Variants in MCPH1 observed in about 807,000 individuals in gnomAD.
MCPH1 encodes the protein microcephalin.
In MCPH1, 104 loss-of-function variants were observed where a neutral mutation model predicts 84.5. The observed-to-expected ratio is 1.23, with a 90% CI of 1.05 to 1.45. The LOEUF (loss-of-function observed/expected upper bound fraction) is 1.45. MCPH1 is among the 40% of genes most tolerant of loss of function. MCPH1 has a pLI of 0.00. For synonymous variants in MCPH1, 514 were observed against 366.8 expected (o/e 1.40, Z -4.58); for missense variants, 1,498 against 1,005.7 (o/e 1.49, Z -6.62).
chr8:6,420,682 C>G (rs1229966121), intron 3 of MCPH1, among the ~76,000 whole-genome samples: 2 of 152,094 alleles, frequency 1.3e-5, no homozygotes, highest in African/African-American at 4.8e-5. Context: ...ACAGTCGAGA[C>G]AAGTATCATG....
chr8:6,433,946 G>C (rs1164313569), intron 4 of MCPH1, among the ~76,000 whole-genome samples: 3 of 152,030 alleles, frequency 2.0e-5, no homozygotes, highest in Non-Finnish European at 4.4e-5. Context: ...CTATTTCAGA[G>C]CCATTGCGTT....
intron 13 of MCPH1, among the ~76,000 whole-genome samples, chr8:6,636,185 C>T (rs1797540192): frequency 6.6e-6 from 1 of 151,890 alleles, no homozygotes; most frequent in Non-Finnish European, 1.5e-5. Flanking sequence ...CTAAAAATTA[C>T]AAAAATTAGC....
At chr8:6,562,167 G>C (rs949601133) in intron 12 of MCPH1, among the ~76,000 whole-genome samples, 13 of 152,156 alleles carry the variant, frequency 8.5e-5, no homozygotes, top group Non-Finnish European at 1.5e-4. Flanking sequence ...CAGGAAATTG[G>C]TAAAGCACTT....
At chr8:6,617,900 A>ATCTATCTATCTATCTATCT (rs1554480975) in intron 12 of MCPH1, among the ~76,000 whole-genome samples, 1 of 143,014 alleles carries the variant, frequency 7.0e-6, no homozygotes, top group Non-Finnish European at 1.5e-5. Context: ...CTATCTATCT[A>ATCTATCTATCTATCTATCT]ATCTATCTAT....
intron 12 of MCPH1, among the ~76,000 whole-genome samples, chr8:6,601,660 A>G (rs1165306312): frequency 1.3e-5 from 2 of 151,062 alleles, no homozygotes; most frequent in Non-Finnish European, 3.0e-5. Flanking sequence ...CACAACACAG[A>G]CATTAAATAC....
chr8:6,524,260 A>C (rs1817925697), intron 12 of MCPH1, among the ~76,000 whole-genome samples: 1 of 152,216 alleles, frequency 6.6e-6, no homozygotes, highest in South Asian at 2.1e-4. Flanking sequence ...CAATGATGGC[A>C]TCTTTATGTT....
rs1376078470 is a variant in MCPH1, at chr8:6,445,308, T to C, written c.1586T>C (p.Ile529Thr). 1.2e-6 allele frequency: 2 copies of C among 1,614,106 alleles called. No homozygotes were observed. The highest frequency in any genetic ancestry group is 2.2e-5 in the East Asian group (1 of 44,900). ...GAGGGAAATGGCTTTTCTTACACCATTGAGGACCCTGCTCTTCCAAAAGGA... is the reference window on the plus strand; with the variant it reads ...GAGGGAAATGGCTTTTCTTACACCACTGAGGACCCTGCTCTTCCAAAAGGA... ...CPEGNGFSYT[I>T]EDPALPKGHD... Residue 529 changes from isoleucine to threonine, a missense_variant, in exon 8 of 14, where the codon ATT (isoleucine) becomes ACT (threonine). By Grantham distance (89) the Ile-to-Thr change is moderately conservative. Transcript: ENST00000344683.
At chr8:6,461,250 C>G (rs117090486) in intron 9 of MCPH1, among the ~76,000 whole-genome samples, 1,787 of 148,712 alleles carry the variant, frequency 0.012, 79 homozygotes, top group East Asian at 0.066. Context: ...AAAAATCACT[C>G]TATAAATCAG....
Position 6,623,219 on chromosome 8 carries a change from A to ACTCATC in MCPH1, c.2452+1530_2452+1531insCATCCT, listed in dbSNP as rs1198042203. On this transcript the variant is annotated intron_variant, in intron 13 of 13. Transcript: ENST00000344683. Reference sequence around the variant, plus strand: ...TCCAAATACAGTCTCATCCTGAGTTACTGAGGGTTAAGACATCGACATACG... The same window carrying ACTCATC: ...TCCAAATACAGTCTCATCCTGAGTTACTCATCCTGAGGGTTAAGACATCGACATACG... Among the ~76,000 whole-genome samples, 9 of 152,094 alleles carry ACTCATC rather than the reference A, an allele frequency of 5.9e-5. 1 individual carries two copies. Among genetic ancestry groups the ACTCATC allele is most frequent in the Admixed American group, 2.0e-4 (3 of 15,270 alleles).
chr8:6,533,825 T>C (rs1240766420), intron 12 of MCPH1, among the ~76,000 whole-genome samples: 5 of 152,128 alleles, frequency 3.3e-5, no homozygotes, highest in Non-Finnish European at 7.4e-5. Flanking sequence ...TCCCCCAAAA[T>C]GTTAACCACT....
At chr8:6,589,198 C>A (rs149142351) in intron 12 of MCPH1, among the ~76,000 whole-genome samples, 35 of 152,256 alleles carry the variant, frequency 2.3e-4, no homozygotes, top group Non-Finnish European at 4.4e-4. Flanking sequence ...GAAGTGAAGG[C>A]ATTTTACAGA....
chr8:6,446,915 T>C (rs1235099988), intron 8 of MCPH1: 2 of 984,708 alleles, frequency 2.0e-6, no homozygotes, highest in Non-Finnish European at 2.4e-6. Context: ...TGGGGGTAAG[T>C]AGAAGGGGGT....
rs374509618 is a variant in MCPH1 at position 6,497,586 on chromosome 8, T to C, written c.2137-2266T>C. On this transcript the variant is annotated intron_variant, in intron 11 of 13. Transcript: ENST00000344683. Reference sequence around the variant, plus strand: ...CAGTACTCCATCATAATATATGCTTTTCACTTATAAGGAACTGTAATGTAA... The same window carrying C: ...CAGTACTCCATCATAATATATGCTTCTCACTTATAAGGAACTGTAATGTAA... Among the ~76,000 whole-genome samples, 53 of 152,290 alleles carry C rather than the reference T, an allele frequency of 3.5e-4. 1 individual carries two copies. Among genetic ancestry groups the C allele is most frequent in the African/African-American group, 1.2e-3 (49 of 41,560 alleles).
chr8:6,621,778 T>G, intron 13 of MCPH1, 87 bp downstream of exon 13: 2 of 1,566,836 alleles, frequency 1.3e-6, no homozygotes, highest in Non-Finnish European at 1.8e-6. Flanking sequence ...TCACACCCCC[T>G]TCCACGCAGC....
intron 12 of MCPH1, among the ~76,000 whole-genome samples, chr8:6,554,165 C>G (rs1254133778): frequency 6.7e-6 from 1 of 150,072 alleles, no homozygotes; most frequent in African/African-American, 2.5e-5. Flanking sequence ...AGTCTTATCA[C>G]CAGATTAAAC....
intron 12 of MCPH1, among the ~76,000 whole-genome samples, chr8:6,515,214 C>G (rs1378916891): frequency 7.5e-6 from 1 of 133,980 alleles, no homozygotes; most frequent in Non-Finnish European, 1.7e-5. Flanking sequence ...ATGCCAGCCC[C>G]TGCCCCTCCA....
chr8:6,519,859 C>T (rs138224215), intron 12 of MCPH1: 1 of 1,613,438 alleles, frequency 6.2e-7, no homozygotes, highest in Non-Finnish European at 8.5e-7. Flanking sequence ...AGACGAATAC[C>T]TCACCTTGAT....
chr8:6,600,713 C>T (rs145648222), intron 12 of MCPH1, among the ~76,000 whole-genome samples: 6 of 152,288 alleles, frequency 3.9e-5, no homozygotes, highest in Admixed American at 2.0e-4. Flanking sequence ...TACTATGAAA[C>T]GAAAGGATTG....
At chr8:6,431,093 G>T (rs969329272) in intron 3 of MCPH1, among the ~76,000 whole-genome samples, 3 of 152,162 alleles carry the variant, frequency 2.0e-5, no homozygotes, top group Non-Finnish European at 4.4e-5. Context: ...GGAGGAAAGA[G>T]ATGTCCTCTG....
Sources: allele counts gnomAD v4.1 joint callset (sites outside exome capture counted in the v4.1 genomes callset), GRCh38; gene constraint gnomAD v4.1.1; transcripts MANE v1.5; gene names NCBI Gene and HGNC (gene_info 2026-07-23, HGNC 2026-07-21).